LRRC7: variants seen among roughly 807,000 people sequenced by gnomAD.
LRRC7 encodes the protein leucine-rich repeat-containing protein 7.
A neutral mutation model predicts 175.7 loss-of-function variants in LRRC7; 23 were observed. The ratio of observed to expected loss-of-function variants is 0.13; its 90% confidence interval spans 0.09 to 0.19. The LOEUF is 0.19. LRRC7 is among the 10% of genes least tolerant of loss of function. LRRC7 has a pLI of 1.00. For missense variants in LRRC7, 1,354 were observed against 1,904.7 expected (o/e 0.71, Z 5.38); for synonymous variants, 685 against 680.9 (o/e 1.01, Z -0.09).
Position 69,886,252 on chromosome 1 carries a change from A to C in LRRC7, c.648-45255A>C, listed in dbSNP as rs530197145. Among the ~76,000 whole-genome samples, 110 of 151,930 alleles carry C rather than the reference A, an allele frequency of 7.2e-4. 1 individual carries two copies. Among genetic ancestry groups the C allele is most frequent in the African/African-American group, 2.6e-3 (107 of 41,418 alleles). ...TCCCATTGTTAATGTGTGGGAGTCTAAGTCTCTTTGTAGGTCACTCAGGAC... is the reference window on the plus strand; with the variant it reads ...TCCCATTGTTAATGTGTGGGAGTCTCAGTCTCTTTGTAGGTCACTCAGGAC... On this transcript the variant is annotated intron_variant, in intron 7 of 26. Coordinates refer to ENST00000651989, the MANE Select transcript of LRRC7 (RefSeq NM_001370785.2).
At chr1:69,887,776 T>A (rs1199661016) in intron 7 of LRRC7, among the ~76,000 whole-genome samples, 1 of 146,588 alleles carries the variant, frequency 6.8e-6, no homozygotes, top group East Asian at 2.0e-4. Flanking sequence ...TTGATGATGG[T>A]GATGTACAGA....
At chr1:69,692,383 C>T (rs1425802327) in intron 2 of LRRC7, among the ~76,000 whole-genome samples, 1 of 152,120 alleles carries the variant, frequency 6.6e-6, no homozygotes, top group African/African-American at 2.4e-5. Flanking sequence ...ATGATAAGCA[C>T]CTCACTTCTA....
chr1:70,068,807 C>T (rs1662166819), intron 23 of LRRC7, among the ~76,000 whole-genome samples: 1 of 152,210 alleles, frequency 6.6e-6, no homozygotes, highest in South Asian at 2.1e-4. Context: ...CCCTTGAACT[C>T]CTGGGCTCAA....
At chr1:69,657,465 C>T (rs527645456) in intron 1 of LRRC7, among the ~76,000 whole-genome samples, 2 of 151,770 alleles carry the variant, frequency 1.3e-5, no homozygotes, top group Admixed American at 6.6e-5. Flanking sequence ...CCGTATCATC[C>T]GATTTGAAAA....
At chr1:69,629,125 T>C (rs555991928) in intron 1 of LRRC7, among the ~76,000 whole-genome samples, 9 of 152,262 alleles carry the variant, frequency 5.9e-5, no homozygotes, top group Non-Finnish European at 1.0e-4. Flanking sequence ...TAAGATTTCA[T>C]TAAAATTTGA....
At chr1:70,094,997 AT>A (rs1664289238) in intron 25 of LRRC7, among the ~76,000 whole-genome samples, 1 of 152,222 alleles carries the variant, frequency 6.6e-6, no homozygotes, top group Non-Finnish European at 1.5e-5. Context: ...CTATATGAAT[AT>A]TAAACTACTT....
chr1:69,943,359 G>A (rs1648941323), intron 8 of LRRC7, among the ~76,000 whole-genome samples: 1 of 152,056 alleles, frequency 6.6e-6, no homozygotes, highest in Non-Finnish European at 1.5e-5. Context: ...AGAAACAAAA[G>A]GCCATGTGTT....
intron 23 of LRRC7, among the ~76,000 whole-genome samples, chr1:70,058,553 C>T (rs1166272662): frequency 1.3e-5 from 2 of 152,192 alleles, no homozygotes; most frequent in Non-Finnish European, 2.9e-5. Flanking sequence ...GATTATGCCA[C>T]AGTCACTATA....
In LRRC7 at chr1:69,601,239, G is replaced by T. The variant is rs547786516; in HGVS notation, c.2+32598G>T. Among the ~76,000 whole-genome samples the T allele has an allele frequency of 6.6e-5, 10 of 152,264 alleles. No homozygotes were observed. The East Asian group carries it at 1.7e-3, about 26-fold the overall frequency. The stretch of plus-strand genomic sequence containing the variant: ...TGACAAAGCAAGGAAATATATGTGT[G>T]TATACTAAAATGTATAGATACACAT... On this transcript the variant is annotated intron_variant, in intron 1 of 26. Transcript: ENST00000651989.
At chr1:69,934,874 C>G (rs773473100) in intron 8 of LRRC7, among the ~76,000 whole-genome samples, 2 of 152,120 alleles carry the variant, frequency 1.3e-5, no homozygotes, top group Non-Finnish European at 2.9e-5. Context: ...CCTCTCTCCT[C>G]CCCTCCCTGT....
At chr1:69,769,982 AG>A in intron 3 of LRRC7, among the ~76,000 whole-genome samples, 1 of 152,186 alleles carries the variant, frequency 6.6e-6, no homozygotes, top group East Asian at 1.9e-4. Flanking sequence ...AGGGGCCTAA[AG>A]AACTTTACAT....
Position 69,676,643 on chromosome 1 carries a change from T to A in LRRC7, c.3-1738T>A, listed in dbSNP as rs150904758. ...CTGGTTGTCAGCATCGCCGTGTAACTAGTAACTGAAAGGTACAATTTATAT... is the reference window on the plus strand; with the variant it reads ...CTGGTTGTCAGCATCGCCGTGTAACAAGTAACTGAAAGGTACAATTTATAT... On this transcript the variant is annotated intron_variant, in intron 1 of 26. Coordinates refer to ENST00000651989, the MANE Select transcript of LRRC7 (RefSeq NM_001370785.2). Among the ~76,000 whole-genome samples the A allele has an allele frequency of 2.0e-4, 30 of 152,274 alleles. 1 individual carries two copies. In the East Asian group the frequency reaches 5.4e-3, roughly 27 times the overall value.
intron 7 of LRRC7, among the ~76,000 whole-genome samples, chr1:69,904,513 A>G (rs1381136209): frequency 6.6e-6 from 1 of 152,126 alleles, no homozygotes; most frequent in Non-Finnish European, 1.5e-5. Flanking sequence ...GGGGAGGAAA[A>G]AACATAAAGG....
At chr1:69,930,449 A>T (rs976598360) in intron 7 of LRRC7, among the ~76,000 whole-genome samples, 3 of 152,236 alleles carry the variant, frequency 2.0e-5, no homozygotes, top group African/African-American at 4.8e-5. Flanking sequence ...GAATTCCTGT[A>T]TAGGCAGGAC....
In LRRC7 at chr1:70,140,025, T is replaced by A. The variant is rs1477255037; in HGVS notation, c.*18138T>A. 6.6e-6 allele frequency: 1 copy of A among 152,080 alleles called. No homozygotes were observed. Among genetic ancestry groups the A allele is most frequent in the Non-Finnish European group, 1.5e-5 (1 of 68,004 alleles). The allele number at this position is 152,080 out of a possible 1,614,324, so 9.4% of individuals were successfully genotyped here. ...TTATTGGGGGAAGGGAGGCATAGAT[T>A]TGCAAATGGTGGGTTTTTTCGTTTT... On this transcript the variant is annotated 3_prime_UTR_variant, in exon 27 of 27. Transcript: ENST00000651989.
At chr1:69,704,334 C>T (rs1262174760) in intron 2 of LRRC7, among the ~76,000 whole-genome samples, 2 of 151,966 alleles carry the variant, frequency 1.3e-5, no homozygotes, top group Non-Finnish European at 2.9e-5. Flanking sequence ...TAGGCAGTTA[C>T]CGACCCCATG....
intron 2 of LRRC7, among the ~76,000 whole-genome samples, chr1:69,748,797 A>T (rs1430127582): frequency 3.3e-5 from 5 of 152,164 alleles, no homozygotes; most frequent in African/African-American, 1.2e-4. Flanking sequence ...TGTCAATAAA[A>T]TAGCCTCTAT....
intron 9 of LRRC7, among the ~76,000 whole-genome samples, chr1:69,982,549 A>G (rs1275865308): frequency 6.6e-6 from 1 of 152,160 alleles, no homozygotes; most frequent in Non-Finnish European, 1.5e-5. Flanking sequence ...AAGTTAATAT[A>G]CTTTGTGAAT....
intron 1 of LRRC7, among the ~76,000 whole-genome samples, chr1:69,672,062 G>A (rs1276813087): frequency 2.0e-5 from 3 of 152,184 alleles, no homozygotes; most frequent in East Asian, 3.9e-4. Context: ...ACAACATGCA[G>A]GTTTGTTACA....
Sources: allele counts gnomAD v4.1 joint callset (sites outside exome capture counted in the v4.1 genomes callset), GRCh38; gene constraint gnomAD v4.1.1; transcripts MANE v1.5; gene names NCBI Gene and HGNC (gene_info 2026-07-23, HGNC 2026-07-21).